Variants in MROH2A observed in about 807,000 individuals in gnomAD.
MROH2A encodes the protein maestro heat like repeat family member 2A.
Under a neutral mutation model 200.4 loss-of-function variants are expected in MROH2A, and 174 were observed. That is an observed-to-expected ratio of 0.87 (90% confidence interval 0.77 to 0.98). The LOEUF (loss-of-function observed/expected upper bound fraction) is 0.98. Ranked by LOEUF, MROH2A falls within the 50% of genes least tolerant of loss-of-function variation. The pLI is 0.00. For missense variants in MROH2A, 2,045 were observed against 2,139.6 expected, an observed-to-expected ratio of 0.96 and a Z score of 0.87; for synonymous variants, 829 against 840.4, an observed-to-expected ratio of 0.99 and a Z score of 0.23.
In MROH2A at chr2:233,795,651, A is replaced by G. The variant is rs894202451; in HGVS notation, c.967-2A>G. ...CTGCCACCATTTGCCAATCCACTGC[A>G]GGTCTTGAGGCAGATCCTGGAACTG... On this transcript the variant is annotated splice_acceptor_variant, in intron 8 of 41. Coordinates refer to ENST00000389758, the MANE Select transcript of MROH2A (RefSeq NM_001394639.1). LOFTEE classifies it high-confidence loss of function. 1 of 1,551,020 alleles carries G rather than the reference A, an allele frequency of 6.4e-7. No homozygotes were observed. Among genetic ancestry groups the G allele is most frequent in the Non-Finnish European group, 8.7e-7 (1 of 1,147,068 alleles).
At chr2:233,796,171 A>G (rs1702096176) in intron 10 of MROH2A, 29 bp from the exon 11 acceptor site, 1 of 1,536,002 alleles carries the variant, frequency 6.5e-7, no homozygotes, top group East Asian at 2.4e-5. Flanking sequence ...CCCGGTGAGC[A>G]TGACTAAAGC....
chr2:233,819,251 A>G (rs1030058703), intron 29 of MROH2A, 66 bp from the exon 30 acceptor site: 13 of 1,461,812 alleles, frequency 8.9e-6, no homozygotes, highest in Non-Finnish European at 1.2e-5. Flanking sequence ...GGGACAGGGG[A>G]GGAGAGAGTG....
Position 233,802,327 on chromosome 2 carries a change from T to G in MROH2A, c.1708+12T>G. On this transcript the variant is annotated intron_variant, in intron 15 of 41. Transcript: ENST00000389758. ...CAAGAGCAGGCAAGGTGGGCAAAGTTCCTGTCCAGCTGATTGGATTGGGCA... is the reference window on the plus strand; with the variant it reads ...CAAGAGCAGGCAAGGTGGGCAAAGTGCCTGTCCAGCTGATTGGATTGGGCA... The G allele has an allele frequency of 6.5e-7, 1 of 1,546,484 alleles. No homozygotes were observed.
chr2:233,826,585 A>G (rs530038310), intron 35 of MROH2A, among the ~76,000 whole-genome samples: 1 of 152,372 alleles, frequency 6.6e-6, no homozygotes, highest in African/African-American at 2.4e-5. Flanking sequence ...GATGGATTAA[A>G]GACTTAAATG....
chr2:233,779,672 T>C lies in MROH2A; in HGVS notation c.96T>C (p.Gly32=). 1 of 1,551,020 alleles carries C rather than the reference T, an allele frequency of 6.4e-7. No individual in the cohort carries two copies. Among genetic ancestry groups the C allele is most frequent in the East Asian group, 2.4e-5 (1 of 40,920 alleles). ...CCTGGGTGGCGTTTGTTTTCATAGG[T>C]ACCTTTCAACAAGTCGTGAACCTTC... ...DLGPLELHDS[G]TFQQVVNLLD... is the part of the protein sequence containing the mutation. The change falls in exon 3 of 42, where the codon GGT becomes GGC. Residue 32 remains glycine, a splice_region_variant and synonymous_variant. Transcript: ENST00000389758.
rs1295400677 is a variant in MROH2A at position 233,790,466 on chromosome 2, C to T, written c.571+452C>T. ...CCTCCCTCCCCCCCTTCCTTCCTCC[C>T]TCCCTCCTTCCTTCCTCCCTCCCTC... On this transcript the variant is annotated intron_variant, in intron 5 of 41. Coordinates refer to ENST00000389758, the MANE Select transcript of MROH2A (RefSeq NM_001394639.1). Among the ~76,000 whole-genome samples, 53 of 18,940 alleles carry T rather than the reference C, an allele frequency of 2.8e-3. 10 individuals carry two copies. The highest frequency in any genetic ancestry group is 0.028 in the African/African-American group (48 of 1,722). 12.4% of individuals were successfully genotyped at this position (18,940 alleles called of 152,430 possible).
At position 233,808,729 on chromosome 2, in the gene MROH2A, G is replaced by A. The variant is rs546656881; in HGVS notation, c.2296-397G>A. ...CCGTGAGGGCAAAGTGGAGGCTGTCGGTTCCTGCTGGCTCTCCAGCCTCAT... is the reference window on the plus strand; with the variant it reads ...CCGTGAGGGCAAAGTGGAGGCTGTCAGTTCCTGCTGGCTCTCCAGCCTCAT... On this transcript the variant is annotated intron_variant, in intron 21 of 41. Transcript: ENST00000389758. Among the ~76,000 whole-genome samples the A allele has an allele frequency of 1.2e-3, 185 of 152,314 alleles. 1 individual carries two copies. Among genetic ancestry groups the A allele is most frequent in the Non-Finnish European group, 1.8e-3 (122 of 68,024 alleles).
intron 5 of MROH2A, among the ~76,000 whole-genome samples, chr2:233,791,296 G>GGGCTGGGAAGCATGTGGTGAGGGGTGAC (rs1284411428): frequency 6.6e-6 from 1 of 152,122 alleles, no homozygotes. Context: ...GATGGTGGCT[G>GGGCTGGGAAGCATGTGGTGAGGGGTGAC]GGCTGGGAAG....
At chr2:233,797,100 CA>C in intron 11 of MROH2A, among the ~76,000 whole-genome samples, 1 of 152,192 alleles carries the variant, frequency 6.6e-6, no homozygotes, top group Middle Eastern at 3.2e-3. Context: ...CATTGCAGAC[CA>C]AAAACAGCTG....
chr2:233,813,900 GCA>G, intron 25 of MROH2A, 122 bp downstream of exon 25: 1 of 553,888 alleles, frequency 1.8e-6, no homozygotes, highest in Non-Finnish European at 3.3e-6. Context: ...GCGGAGTGTA[GCA>G]AGCTCTATCA....
intron 21 of MROH2A, among the ~76,000 whole-genome samples, chr2:233,808,464 C>T (rs1475561187): frequency 6.6e-6 from 1 of 152,200 alleles, no homozygotes; most frequent in Non-Finnish European, 1.5e-5. Context: ...CCATCTGAAA[C>T]CATCACCCAT....
chr2:233,831,483 T>A lies in MROH2A; in HGVS notation c.4677T>A (p.Ser1559Arg), dbSNP rs779026019. The change falls in exon 39 of 42, where the codon AGT (serine) becomes AGA (arginine). Residue 1559 changes from serine to arginine, a missense_variant. By Grantham distance (110) the Ser-to-Arg change is moderately radical. Transcript: ENST00000389758. Reference protein sequence around the residue: ...WKSLEHPSGPSDTATDDKMTV... With the variant: ...WKSLEHPSGPRDTATDDKMTV... ...CCCTGGAGCATCCCTCAGGGCCAAG[T>A]GATACCGCTACTGATGACAAGATGA... The A allele has an allele frequency of 4.5e-6, 7 of 1,550,522 alleles. No homozygotes were observed. The South Asian group carries it at 7.1e-5, about 16-fold the overall frequency.
intron 1 of MROH2A, among the ~76,000 whole-genome samples, chr2:233,778,876 T>C (rs1048597442): frequency 6.6e-6 from 1 of 152,232 alleles, no homozygotes; most frequent in Non-Finnish European, 1.5e-5. Context: ...GCCAGGAGTC[T>C]AGGCATGGCT....
At chr2:233,813,839 G>A in intron 25 of MROH2A, 61 bp downstream of exon 25, 3 of 928,996 alleles carry the variant, frequency 3.2e-6, no homozygotes, top group Non-Finnish European at 5.0e-6. Context: ...CATTAACATG[G>A]GCCATGCTGA....
intron 4 of MROH2A, 75 bp downstream of exon 4, chr2:233,789,703 T>C (rs1304126650): frequency 2.8e-6 from 4 of 1,436,306 alleles, no homozygotes; most frequent in Non-Finnish European, 2.8e-6. Context: ...TGGCCCAGGA[T>C]GCCCACAGCC....
rs1704590716 is a variant in MROH2A, at chr2:233,829,767, G to A, written c.4594G>A (p.Ala1532Thr). 4 of 1,380,830 alleles carry A rather than the reference G, an allele frequency of 2.9e-6. No individual in the cohort carries two copies. In the African/African-American group the frequency reaches 6.0e-5, roughly 21 times the overall value. The allele number at this position is 1,380,830 out of a possible 1,614,324, so 85.5% of individuals were successfully genotyped here. A position where few individuals can be genotyped will look rare whatever the true frequency, so the allele number is the denominator to read the frequency against. The part of the protein sequence containing the change: ...MLHSQDPCSN[A>T]AQACMATMFQ... ...GCACTCCCAGGACCCCTGCTCCAAT[G>A]CAGCCCAAGTAAGATACATCCTGGG... Residue 1532 changes from alanine (A) to threonine (T), a missense_variant, in exon 38 of 42, where the codon GCA becomes ACA. By Grantham distance (58) the Ala-to-Thr change is moderately conservative (BLOSUM62 0). Coordinates refer to ENST00000389758, the MANE Select transcript of MROH2A (RefSeq NM_001394639.1).
intron 11 of MROH2A, among the ~76,000 whole-genome samples, chr2:233,798,005 C>G (rs1175030825): frequency 6.6e-6 from 1 of 152,192 alleles, no homozygotes; most frequent in Non-Finnish European, 1.5e-5. Flanking sequence ...GTCTCATGCT[C>G]ACTTGGTGCC....
chr2:233,803,301 G>A, intron 15 of MROH2A, 147 bp from the exon 16 acceptor site: 2 of 766,324 alleles, frequency 2.6e-6, no homozygotes, highest in South Asian at 3.6e-5. Context: ...AATTCCCTGT[G>A]CCAACCCATT....
chr2:233,830,802 G>A (rs1430185619), intron 38 of MROH2A, among the ~76,000 whole-genome samples: 3 of 152,192 alleles, frequency 2.0e-5, no homozygotes, highest in South Asian at 4.1e-4. Flanking sequence ...GGCACAAGGT[G>A]TCACTGCCCA....
Sources: allele counts gnomAD v4.1 joint callset (sites outside exome capture counted in the v4.1 genomes callset), GRCh38; gene constraint gnomAD v4.1.1; transcripts MANE v1.5; gene names NCBI Gene and HGNC (gene_info 2026-07-23, HGNC 2026-07-21).